SIRT2: variants seen among roughly 807,000 people sequenced by gnomAD.
The protein encoded by SIRT2 is NAD-dependent protein deacetylase sirtuin-2.
A neutral mutation model predicts 57.4 loss-of-function variants in SIRT2; 40 were observed. That is an observed-to-expected ratio of 0.70 (90% CI 0.54 to 0.91). The LOEUF is 0.91. Ranked by LOEUF, SIRT2 falls within the 40% of genes least tolerant of loss-of-function variation. The pLI is 0.00. For synonymous variants in SIRT2, 161 were observed against 195.7 expected (o/e 0.82, Z 1.48); for missense variants, 439 against 510.4 (o/e 0.86, Z 1.35).
chr19:38,888,396 C>T (rs1014485058), intron 8 of SIRT2, among the ~76,000 whole-genome samples: 6 of 151,898 alleles, frequency 4.0e-5, no homozygotes, highest in East Asian at 2.0e-4. Context: ...GGGTCCCAAA[C>T]GCCTGGGCTC....
At chr19:38,888,971 C>T in intron 8 of SIRT2, 116 bp downstream of exon 8, 1 of 882,562 alleles carries the variant, frequency 1.1e-6, no homozygotes. Flanking sequence ...AGCCCTGGCC[C>T]CGCATTGCTG....
Position 38,889,965 on chromosome 19 carries a change from G to A in SIRT2, c.269-4C>T. On this transcript the variant is annotated splice_polypyrimidine_tract_variant and splice_region_variant and intron_variant, in intron 5 of 15. Transcript: ENST00000249396. ...CGAAAGTCGGGGATGCCTGCGGCTA[G>A]GAAAGGGGGGTCAGGGAGCAGTTGG... is the stretch of plus-strand genomic sequence containing the variant. 6.2e-7 allele frequency: 1 copy of A among 1,613,940 alleles called. No homozygotes were observed. Among genetic ancestry groups the A allele is most frequent in the Non-Finnish European group, 8.5e-7 (1 of 1,179,768 alleles).
At chr19:38,890,444 A>T in intron 4 of SIRT2, 1 of 406,302 alleles carries the variant, frequency 2.5e-6, no homozygotes, top group Non-Finnish European at 4.5e-6. Context: ...TAATCCCAGA[A>T]CTTTGGGAGG....
At position 38,878,734 on chromosome 19, in the gene SIRT2, A is replaced by C; in HGVS notation, c.*421T>G. The C allele has an allele frequency of 6.2e-6, 1 of 160,038 alleles. No homozygotes were observed. Among genetic ancestry groups the C allele is most frequent in the Non-Finnish European group, 1.4e-5 (1 of 73,334 alleles). The allele number at this position is 160,038 out of a possible 1,614,324, so 9.9% of individuals were successfully genotyped here. The stretch of plus-strand genomic sequence containing the variant: ...CCTACGCTGGGTGTGGGTTATATTC[A>C]GAGGCCCACACCCACACTGGGGTAG... On this transcript the variant is annotated 3_prime_UTR_variant, in exon 16 of 16. Coordinates refer to ENST00000249396, the MANE Select transcript of SIRT2 (RefSeq NM_012237.4).
At chr19:38,893,707 A>C in intron 3 of SIRT2, 112 bp downstream of exon 3, 2 of 1,391,030 alleles carry the variant, frequency 1.4e-6, no homozygotes, top group Non-Finnish European at 2.0e-6. Flanking sequence ...CCACTGCTAC[A>C]TACTTTGGAT....
At chr19:38,894,892 T>C (rs10410544) in intron 2 of SIRT2, 292,032 of 455,854 alleles carry the variant, frequency 0.64, 97,140 homozygotes, top group East Asian at 0.97. Flanking sequence ...CTCTCTGCCC[T>C]CAGATCCGGG....
At chr19:38,890,362 C>A (rs536329249) in intron 4 of SIRT2, among the ~76,000 whole-genome samples, 1 of 152,190 alleles carries the variant, frequency 6.6e-6, no homozygotes, top group Non-Finnish European at 1.5e-5. Flanking sequence ...AGAAGTCACA[C>A]AATCAACTGC....
chr19:38,882,171 C>T (rs760588030), intron 9 of SIRT2, among the ~76,000 whole-genome samples: 4 of 152,044 alleles, frequency 2.6e-5, no homozygotes, highest in Middle Eastern at 3.4e-3. Flanking sequence ...CATCCACCAT[C>T]GCACCTGGCT....
chr19:38,898,187 G>T (rs1973789065), intron 2 of SIRT2, among the ~76,000 whole-genome samples, 192 bp downstream of exon 2: 1 of 152,236 alleles, frequency 6.6e-6, no homozygotes, highest in South Asian at 2.1e-4. Context: ...GCCTGGACTT[G>T]AGGCTGGAAA....
chr19:38,882,416 T>C (rs1600108013), intron 9 of SIRT2, among the ~76,000 whole-genome samples: 1 of 151,752 alleles, frequency 6.6e-6, no homozygotes, highest in Admixed American at 6.6e-5. Context: ...GAGTGGATCG[T>C]TTGAGGTCAG....
intron 4 of SIRT2, chr19:38,892,023 C>G: frequency 2.4e-6 from 1 of 420,300 alleles, no homozygotes; most frequent in Non-Finnish European, 5.0e-6. Context: ...TCAGGAACCA[C>G]AAAGGGTCGA....
intron 3 of SIRT2, 143 bp downstream of exon 3, chr19:38,893,676 G>T: frequency 2.4e-6 from 3 of 1,233,884 alleles, no homozygotes; most frequent in Admixed American, 1.9e-5. Flanking sequence ...CCAGGAGCCT[G>T]CTCTGGCACT....
At chr19:38,893,276 T>C (rs1184837800) in intron 4 of SIRT2, 138 bp downstream of exon 4, 4 of 642,480 alleles carry the variant, frequency 6.2e-6, no homozygotes, top group South Asian at 1.8e-5. Flanking sequence ...CACTCCTTTT[T>C]GGCTTAAGCC....
chr19:38,888,661 A>G (rs1973418742), intron 8 of SIRT2, among the ~76,000 whole-genome samples: 1 of 152,110 alleles, frequency 6.6e-6, no homozygotes, highest in Non-Finnish European at 1.5e-5. Context: ...CACAACATCT[A>G]CTTGTTGGAC....
At chr19:38,883,149 C>G (rs1600108874) in intron 9 of SIRT2, among the ~76,000 whole-genome samples, 1 of 145,322 alleles carries the variant, frequency 6.9e-6, no homozygotes, top group East Asian at 2.0e-4. Flanking sequence ...GGTGCGAACT[C>G]AGCTCACTGC....
chr19:38,879,637 G>C lies in SIRT2; in HGVS notation c.942C>G (p.Ala314=). 1 of 1,571,770 alleles carries C rather than the reference G, an allele frequency of 6.4e-7. No individual in the cohort carries two copies. The highest frequency in any genetic ancestry group is 8.6e-7 in the Non-Finnish European group (1 of 1,158,238). ...AACCCCCGGCGGGGCCTCACCTGTA[G>C]GCCTTCTTGGAGTCAAAGTCCATGC... The part of the protein sequence containing the change: ...GGGMDFDSKK[A]YRDVAWLGEC... Residue 314 remains alanine, a synonymous_variant, in exon 14 of 16, where the codon GCC becomes GCG. Coordinates refer to ENST00000249396, the MANE Select transcript of SIRT2 (RefSeq NM_012237.4).
intron 2 of SIRT2, among the ~76,000 whole-genome samples, chr19:38,896,078 A>C (rs2144704042): frequency 6.7e-6 from 1 of 150,294 alleles, no homozygotes; most frequent in Non-Finnish European, 1.5e-5. Flanking sequence ...CTCAAAAAAA[A>C]AGAGAGAGAG....
chr19:38,879,383 G>A, intron 15 of SIRT2, 51 bp downstream of exon 15: 4 of 1,597,924 alleles, frequency 2.5e-6, no homozygotes, highest in Non-Finnish European at 3.4e-6. Context: ...GGGGTGGGGA[G>A]AGGGTCCAGG....
In SIRT2 at chr19:38,889,911, G is replaced by A. The variant is rs779149028; in HGVS notation, c.319C>T (p.Leu107=). ...RSPSTGLYDN[L]EKYHLPYPEA... is the part of the protein sequence containing the mutation. ...GGGTAGGGAAGATGGTACTTCTCTA[G>A]GTTGTCATAGAGGCCGGTGGATGGA... The change falls in exon 6 of 16, where the codon CTA becomes TTA. Residue 107 remains leucine, a synonymous_variant. Transcript: ENST00000249396. 2.5e-6 allele frequency: 4 copies of A among 1,614,028 alleles called. No homozygotes were observed. The highest frequency in any genetic ancestry group is 3.4e-6 in the Non-Finnish European group (4 of 1,180,020).
Sources: allele counts gnomAD v4.1 joint callset (sites outside exome capture counted in the v4.1 genomes callset), GRCh38; gene constraint gnomAD v4.1.1; transcripts MANE v1.5; gene names NCBI Gene and HGNC (gene_info 2026-07-23, HGNC 2026-07-21).